HERC1: variants seen among roughly 807,000 people sequenced by gnomAD.
HERC1 encodes HECT and RLD domain containing E3 ubiquitin protein ligase family member 1.
Under a neutral mutation model 554.3 loss-of-function variants are expected in HERC1, and 160 were observed. The ratio of observed to expected loss-of-function variants is 0.29; its 90% CI spans 0.25 to 0.33. The LOEUF is 0.33. Among genes scored for constraint, HERC1 ranks in the 10% least tolerant of loss-of-function variants. HERC1 has a pLI of 1.00. For synonymous variants in HERC1, 2,175 were observed against 2,131.7 expected (o/e 1.02, Z -0.56); for missense variants, 4,919 against 5,918.5 (o/e 0.83, Z 5.54).
chr15:63,650,671 C>T (rs2069629405), intron 53 of HERC1, among the ~76,000 whole-genome samples: 1 of 152,178 alleles, frequency 6.6e-6, no homozygotes, highest in Admixed American at 6.5e-5. Flanking sequence ...AAATGTCAAG[C>T]ACTTAAGTCC....
rs779495962 is a variant in HERC1 at position 63,634,864 on chromosome 15, C to T, written c.12439G>A (p.Ala4147Thr). 1.2e-6 allele frequency: 2 copies of T among 1,613,460 alleles called. No individual in the cohort carries two copies. The highest frequency in any genetic ancestry group is 1.7e-6 in the Non-Finnish European group (2 of 1,179,718). Reference protein sequence around the residue: ...VQMSCGFKHSAVVTSDGKLFT... With the variant: ...VQMSCGFKHSTVVTSDGKLFT... ...AGTTTGCCATCTGAAGTGACCACTG[C>T]TGAGTGCTTGAAGCCACAAGACATC... The change falls in exon 66 of 78, where the codon GCA becomes ACA. Residue 4147 changes from alanine (A) to threonine (T), a missense_variant. Ala to Thr is a moderately conservative substitution (Grantham distance 58, BLOSUM62 0). Coordinates refer to ENST00000443617, the MANE Select transcript of HERC1 (RefSeq NM_003922.4).
At chr15:63,794,803 C>T (rs1168724556) in intron 1 of HERC1, among the ~76,000 whole-genome samples, 1 of 152,080 alleles carries the variant, frequency 6.6e-6, no homozygotes, top group Non-Finnish European at 1.5e-5. Flanking sequence ...CAGTGGCTCA[C>T]ACCTAAAATC....
intron 18 of HERC1, among the ~76,000 whole-genome samples, chr15:63,723,713 G>A (rs746914974): frequency 1.3e-5 from 2 of 152,086 alleles, no homozygotes; most frequent in African/African-American, 2.4e-5. Context: ...AAACCAACGC[G>A]TTCAAAATGG....
intron 22 of HERC1, 131 bp downstream of exon 22, chr15:63,716,171 G>T: frequency 1.3e-6 from 1 of 764,246 alleles, no homozygotes; most frequent in East Asian, 2.5e-5. Flanking sequence ...AATACAAATT[G>T]AGATCACCAG....
chr15:63,657,269 T>G (rs1406597434), intron 48 of HERC1, among the ~76,000 whole-genome samples: 5 of 150,880 alleles, frequency 3.3e-5, no homozygotes, highest in African/African-American at 7.3e-5. Flanking sequence ...GGTTTTTTTT[T>G]TTTTTTTTTT....
At position 63,649,847 on chromosome 15, in the gene HERC1, C is replaced by G. The variant is rs1471631112; in HGVS notation, c.10625G>C (p.Trp3542Ser). The change falls in exon 54 of 78, where the codon TGG becomes TCG. Residue 3542 changes from tryptophan to serine, a missense_variant. By Grantham distance (177) the Trp-to-Ser change is radical. Coordinates refer to ENST00000443617, the MANE Select transcript of HERC1 (RefSeq NM_003922.4). ...CAACAATTCTGGAGACTCTCCTGACCAGGCTGTAGCCGGACCCTCTTCTGG... is the reference window on the plus strand; with the variant it reads ...CAACAATTCTGGAGACTCTCCTGACGAGGCTGTAGCCGGACCCTCTTCTGG... The part of the protein sequence containing the change: ...AWPEEGPATA[W>S]SGESPELLLV... 5.0e-6 allele frequency: 8 copies of G among 1,613,054 alleles called. No individual in the cohort carries two copies. Among genetic ancestry groups the G allele is most frequent in the Non-Finnish European group, 6.8e-6 (8 of 1,179,436 alleles).
Position 63,775,525 on chromosome 15 carries a change from T to G in HERC1, c.99A>C (p.Gly33=), listed in dbSNP as rs1427428503. 1 of 1,613,820 alleles carries G rather than the reference T, an allele frequency of 6.2e-7. No individual in the cohort carries two copies. The highest frequency in any genetic ancestry group is 1.3e-5 in the African/African-American group (1 of 74,914). The part of the protein sequence containing the change: ...EDSESIATRE[G]VAVLYSKLVS... ...CCAGTTTAGAATACAGAACAGCAAC[T>G]CCCTCTCTTGTAGCAATAGATTCAC... The change falls in exon 2 of 78, where the codon GGA becomes GGC. Residue 33 remains glycine, a synonymous_variant. Transcript: ENST00000443617. The surrounding 1 kb of genome is among the most constrained non-coding windows in gnomAD (Gnocchi z 4.0).
chr15:63,775,279 A>G lies in HERC1; in HGVS notation c.345T>C (p.Tyr115=). The stretch of plus-strand genomic sequence containing the variant: ...TGTCATGGTATTTATTAGAAAGTGC[A>G]TAAAAGACACGCTGGAGTACAAGCA... ...KRLLVLQRVF[Y]ALSNKYHDKG... Residue 115 remains tyrosine, a synonymous_variant, in exon 2 of 78, where the codon TAT becomes TAC. Transcript: ENST00000443617. The surrounding 1 kb of genome is among the most constrained non-coding windows in gnomAD (Gnocchi z 4.0). 6.2e-7 allele frequency: 1 copy of G among 1,614,058 alleles called. No homozygotes were observed. Among genetic ancestry groups the G allele is most frequent in the South Asian group, 1.1e-5 (1 of 91,088 alleles).
At position 63,712,885 on chromosome 15, in the gene HERC1, G is replaced by A. The variant is rs1421403580; in HGVS notation, c.4474C>T (p.Leu1492Phe). The A allele has an allele frequency of 6.2e-7, 1 of 1,612,880 alleles. No individual in the cohort carries two copies. The highest frequency in any genetic ancestry group is 8.5e-7 in the Non-Finnish European group (1 of 1,179,522). ...TGGACTAGCCGGCTCTCTGCAGTAA[G>A]ACTTTCACTCCTGTCTCACATGTAC... ...GGGLMTRSESLTAESRLVHTS... is the reference protein window; with the variant it reads ...GGGLMTRSESFTAESRLVHTS... Residue 1492 changes from leucine (L) to phenylalanine (F), a missense_variant, in exon 24 of 78, where the codon CTT (leucine) becomes TTT (phenylalanine). Physicochemically the swap from Leu to Phe is conservative, Grantham distance 22. This residue lies in a region of HERC1 where 1,121 missense variants were observed against 1,244.0 expected (regional missense o/e 0.90). Coordinates refer to ENST00000443617, the MANE Select transcript of HERC1 (RefSeq NM_003922.4).
At chr15:63,713,755 C>G (rs2073415271) in intron 22 of HERC1, 90 bp from the exon 23 acceptor site, 1 of 1,159,328 alleles carries the variant, frequency 8.6e-7, no homozygotes, top group South Asian at 1.6e-5. Context: ...AAGTTTGGAC[C>G]AAAAACTTAC....
intron 12 of HERC1, among the ~76,000 whole-genome samples, chr15:63,746,676 T>C (rs1030909077): frequency 3.3e-5 from 5 of 152,114 alleles, no homozygotes; most frequent in African/African-American, 1.2e-4. Context: ...TGTGATGTAA[T>C]GAGAACATAT....
chr15:63,646,645 CA>C (rs767283019), intron 55 of HERC1, among the ~76,000 whole-genome samples: 277 of 135,158 alleles, frequency 2.0e-3, no homozygotes, highest in South Asian at 4.9e-3. Flanking sequence ...AGTAAAAATA[CA>C]AAAAAAAAAA....
At chr15:63,820,987 T>C (rs1339484319) in intron 1 of HERC1, among the ~76,000 whole-genome samples, 1 of 152,254 alleles carries the variant, frequency 6.6e-6, no homozygotes, top group Non-Finnish European at 1.5e-5. Context: ...TTTTCACATA[T>C]TACTTAGCAC....
intron 1 of HERC1, among the ~76,000 whole-genome samples, chr15:63,808,313 G>A (rs1425992905): frequency 6.6e-6 from 1 of 152,058 alleles, no homozygotes; most frequent in Non-Finnish European, 1.5e-5. Flanking sequence ...AAAGAAACAG[G>A]GTCTTGCTCT....
At chr15:63,678,501 C>A in intron 36 of HERC1, 136 bp from the exon 37 acceptor site, 3 of 1,014,690 alleles carry the variant, frequency 3.0e-6, no homozygotes, top group South Asian at 1.9e-5. Flanking sequence ...CCAACTGGCC[C>A]CCAAAGAGTA....
intron 2 of HERC1, among the ~76,000 whole-genome samples, chr15:63,768,138 G>T (rs558679714): frequency 6.6e-6 from 1 of 152,302 alleles, no homozygotes; most frequent in South Asian, 2.1e-4. Context: ...ATCGTCTTCA[G>T]ATCTCTGATT....
chr15:63,619,604 T>C lies in HERC1; in HGVS notation c.13689-2922A>G, dbSNP rs1331863131. Among the ~76,000 whole-genome samples, 5 of 152,336 alleles carry C rather than the reference T, an allele frequency of 3.3e-5. No homozygotes were observed. In the East Asian group the frequency reaches 7.7e-4, roughly 23 times the overall value. On this transcript the variant is annotated intron_variant, in intron 74 of 77. Coordinates refer to ENST00000443617, the MANE Select transcript of HERC1 (RefSeq NM_003922.4). ...TCCTCCTTGTACCTCTGGTAGAAGT[T>C]GGCTGTGAATCCGTCTGGTCCTGGA...
At position 63,758,159 on chromosome 15, in the gene HERC1, T is replaced by A. The variant is rs1322384980; in HGVS notation, c.1221+16A>T. ...CCAGATTATCTACCAGTTTGTAAGC[T>A]ATTTAGAAAACTTACGGTCTGTGCA... is the stretch of plus-strand genomic sequence containing the variant. On this transcript the variant is annotated intron_variant, in intron 4 of 77. Transcript: ENST00000443617. The surrounding 1 kb of genome is among the most constrained non-coding windows in gnomAD (Gnocchi z 4.0). 4.5e-6 allele frequency: 7 copies of A among 1,571,624 alleles called. No individual in the cohort carries two copies. Among genetic ancestry groups the A allele is most frequent in the Non-Finnish European group, 4.4e-6 (5 of 1,146,174 alleles).
chr15:63,719,961 T>C (rs185194857), intron 19 of HERC1, among the ~76,000 whole-genome samples: 19 of 152,134 alleles, frequency 1.2e-4, no homozygotes, highest in African/African-American at 4.3e-4. Flanking sequence ...TTTGATGCCA[T>C]AAAAGTATAT....
Sources: allele counts gnomAD v4.1 joint callset (sites outside exome capture counted in the v4.1 genomes callset), GRCh38; gene constraint gnomAD v4.1.1; regional missense constraint gnomAD v4.1.1; non-coding constraint Gnocchi (gnomAD v3.1); transcripts MANE v1.5; gene names NCBI Gene and HGNC (gene_info 2026-07-23, HGNC 2026-07-21).